The following GRM1 variants were observed in gnomAD, a reference collection of about 807,000 sequenced individuals.
GRM1 encodes metabotropic glutamate receptor 1.
Under a neutral mutation model 90.9 loss-of-function variants are expected in GRM1, and 33 were observed. That is an observed-to-expected ratio of 0.36 (90% CI 0.28 to 0.49). The LOEUF is 0.49. Among genes scored for constraint, GRM1 ranks in the 20% least tolerant of loss-of-function variants. The pLI, the probability that GRM1 is intolerant of heterozygous loss-of-function variation, is 0.99. For synonymous variants in GRM1, 700 were observed against 613.2 expected, an observed-to-expected ratio of 1.14 and a Z score of -2.09; for missense variants, 1,190 against 1,534.3, an observed-to-expected ratio of 0.78 and a Z score of 3.75.
At chr6:146,085,927 T>C (rs558960051) in intron 1 of GRM1, among the ~76,000 whole-genome samples, 1 of 152,232 alleles carries the variant, frequency 6.6e-6, no homozygotes, top group African/African-American at 2.4e-5. Flanking sequence ...TCATGGAATT[T>C]GTGAGTTTAT....
chr6:146,074,955 T>C (rs1776135778), intron 1 of GRM1, among the ~76,000 whole-genome samples: 1 of 152,184 alleles, frequency 6.6e-6, no homozygotes, highest in Admixed American at 6.6e-5. Flanking sequence ...ATTTAATTCA[T>C]AGAAATTACA....
chr6:146,261,423 TA>T (rs1781692163), intron 2 of GRM1, among the ~76,000 whole-genome samples: 1 of 152,090 alleles, frequency 6.6e-6, no homozygotes, highest in Non-Finnish European at 1.5e-5. Context: ...AGGAACTGTT[TA>T]AATGTGCCAG....
At chr6:146,031,682 CT>C (rs1346911121) in intron 1 of GRM1, among the ~76,000 whole-genome samples, 1 of 152,034 alleles carries the variant, frequency 6.6e-6, no homozygotes, top group South Asian at 2.1e-4. Flanking sequence ...AAATTCATTA[CT>C]TTTTTAAGAC....
intron 2 of GRM1, among the ~76,000 whole-genome samples, chr6:146,281,538 C>T (rs1305346873): frequency 6.6e-6 from 1 of 152,086 alleles, no homozygotes; most frequent in Non-Finnish European, 1.5e-5. Flanking sequence ...AGTATTAAAG[C>T]AATTTGAAAT....
At chr6:146,288,302 A>G (rs1425430800) in intron 2 of GRM1, among the ~76,000 whole-genome samples, 2 of 152,142 alleles carry the variant, frequency 1.3e-5, no homozygotes, top group Non-Finnish European at 1.5e-5. Context: ...GGAAATGTGG[A>G]CCATGCTACT....
intron 1 of GRM1, among the ~76,000 whole-genome samples, chr6:146,122,274 A>G (rs1216458255): frequency 6.6e-6 from 1 of 151,932 alleles, no homozygotes; most frequent in Non-Finnish European, 1.5e-5. Flanking sequence ...GTTTGATTTC[A>G]GTTCTTTTGT....
chr6:146,309,194 T>C (rs1783691659), intron 3 of GRM1, among the ~76,000 whole-genome samples: 6 of 151,816 alleles, frequency 4.0e-5, no homozygotes, highest in Admixed American at 3.3e-4. Context: ...AGGTCAGGAG[T>C]TCGAGACCAG....
intron 5 of GRM1, among the ~76,000 whole-genome samples, chr6:146,361,928 G>A (rs992450574): frequency 6.6e-6 from 1 of 152,112 alleles, no homozygotes; most frequent in African/African-American, 2.4e-5. Context: ...AAAATGCCGA[G>A]GGAACAGAAT....
intron 2 of GRM1, among the ~76,000 whole-genome samples, chr6:146,222,056 C>T (rs2056994): frequency 0.11 from 16,864 of 152,016 alleles, 1,843 homozygotes; most frequent in African/African-American, 0.28. Flanking sequence ...GGTGTGTAAC[C>T]TAGGTAGCAA....
chr6:146,084,167 A>G (rs1315659788), intron 1 of GRM1, among the ~76,000 whole-genome samples: 10 of 149,012 alleles, frequency 6.7e-5, no homozygotes. Context: ...TATTTTGTCA[A>G]TTTTTTTTCA....
intron 1 of GRM1, among the ~76,000 whole-genome samples, chr6:146,036,587 C>T (rs1429756606): frequency 6.6e-6 from 1 of 151,942 alleles, no homozygotes; most frequent in Non-Finnish European, 1.5e-5. Context: ...GAAAGCTTTA[C>T]TCTCTTAAAC....
At chr6:146,387,724 G>A (rs1227104812) in intron 6 of GRM1, among the ~76,000 whole-genome samples, 1 of 152,080 alleles carries the variant, frequency 6.6e-6, no homozygotes, top group East Asian at 1.9e-4. Context: ...CAGTAGGGTA[G>A]TGGTCAGAAA....
At chr6:146,072,962 C>T (rs1246897041) in intron 1 of GRM1, among the ~76,000 whole-genome samples, 1 of 152,054 alleles carries the variant, frequency 6.6e-6, no homozygotes, top group East Asian at 1.9e-4. Flanking sequence ...AAGATGTGCA[C>T]AGGGGTCTCA....
At chr6:146,045,691 A>G (rs1791298534) in intron 1 of GRM1, among the ~76,000 whole-genome samples, 1 of 143,008 alleles carries the variant, frequency 7.0e-6, no homozygotes, top group Admixed American at 7.6e-5. Flanking sequence ...TTTGGTTTTT[A>G]CTAAATTTGT....
chr6:146,313,364 C>T lies in GRM1; in HGVS notation c.1186+8518C>T, dbSNP rs1783840043. Among the ~76,000 whole-genome samples the T allele has an allele frequency of 2.0e-5, 3 of 152,112 alleles. 1 individual carries two copies. The highest frequency in any genetic ancestry group is 2.0e-4 in the Admixed American group (3 of 15,262). On this transcript the variant is annotated intron_variant, in intron 3 of 7. Coordinates refer to ENST00000282753, the MANE Select transcript of GRM1 (RefSeq NM_001278064.2). ...AAGTTGAATGGTCTGTCATGTGGTT[C>T]AGCTTGCCTTCCAAACAAGTTTGAA...
At chr6:146,392,822 G>T (rs1263675215) in intron 6 of GRM1, among the ~76,000 whole-genome samples, 1 of 152,134 alleles carries the variant, frequency 6.6e-6, no homozygotes, top group Non-Finnish European at 1.5e-5. Context: ...TGCTGAGAAT[G>T]ATGGTTTCCA....
rs894144142 is a variant in GRM1, at chr6:146,317,023, C to T, written c.1186+12177C>T. ...CCTACAATTCTTGTTAGACAAGCCT[C>T]GCCTTCCAGACTTACTTTGAGGTAC... On this transcript the variant is annotated intron_variant, in intron 3 of 7. Transcript: ENST00000282753. Among the ~76,000 whole-genome samples the T allele has an allele frequency of 8.5e-5, 13 of 152,338 alleles. No homozygotes were observed. In the East Asian group the frequency reaches 1.9e-3, roughly 23 times the overall value.
intron 7 of GRM1, among the ~76,000 whole-genome samples, chr6:146,416,942 G>A (rs1756574849): frequency 6.6e-6 from 1 of 152,100 alleles, no homozygotes; most frequent in African/African-American, 2.4e-5. Context: ...AATTTTTCTA[G>A]AGGGAAACCA....
rs377170700 is a variant in GRM1, at chr6:146,247,804, GTATA to G, written c.951-56794_951-56791del. On this transcript the variant is annotated intron_variant, in intron 2 of 7. Coordinates refer to ENST00000282753, the MANE Select transcript of GRM1 (RefSeq NM_001278064.2). Reference sequence around the variant, plus strand: ...GGTGTGTGTGTGTGTGTGTGTGTGTGTATATATATATATATAAAATTACATATTA... The same window carrying G: ...GGTGTGTGTGTGTGTGTGTGTGTGTGTATATATATATAAAATTACATATTA... Among the ~76,000 whole-genome samples the G allele has an allele frequency of 8.4e-5, 10 of 118,880 alleles. No homozygotes were observed. In the South Asian group the frequency reaches 9.5e-4, roughly 11 times the overall value. 78.0% of individuals were successfully genotyped at this position (118,880 alleles called of 152,430 possible). A position where few individuals can be genotyped will look rare whatever the true frequency, so the allele number is the denominator to read the frequency against.
Sources: gnomAD v4.1 joint callset for allele counts (sites outside exome capture counted in the v4.1 genomes callset) on GRCh38, gnomAD v4.1.1 for gene constraint, MANE v1.5 for transcripts, NCBI Gene and HGNC (gene_info 2026-07-23, HGNC 2026-07-21) for gene names.